SLC2A5: variants seen among roughly 807,000 people sequenced by gnomAD.
SLC2A5 encodes solute carrier family 2, facilitated glucose transporter member 5.
Under a neutral mutation model 50.3 loss-of-function variants are expected in SLC2A5, and 56 were observed. The observed-to-expected ratio is 1.11, with a 90% confidence interval of 0.90 to 1.39. The LOEUF (loss-of-function observed/expected upper bound fraction) is 1.39, where lower values mean the gene tolerates loss of function less well. Among genes scored for constraint, SLC2A5 ranks in the 40% most tolerant of loss-of-function variants. The probability of loss-of-function intolerance (pLI) is 0.00; values close to 1 mark genes in which losing one functional copy is unlikely to be tolerated. For missense variants in SLC2A5, 566 were observed against 650.1 expected, an observed-to-expected ratio of 0.87 and a Z score of 1.41; for synonymous variants, 269 against 281.9, an observed-to-expected ratio of 0.95 and a Z score of 0.46.
At position 9,037,733 on chromosome 1, in the gene SLC2A5, G is replaced by A. The variant is rs760626860; in HGVS notation, c.1359C>T (p.Thr453=). ...IVFAVICLLT[T]IYIFLIVPET... is the part of the protein sequence containing the mutation. ...CCGGGACAATCAAGAAGATGTAGATGGTGGTGAGGAGGCAGATCACGGCGA... is the reference window on the plus strand; with the variant it reads ...CCGGGACAATCAAGAAGATGTAGATAGTGGTGAGGAGGCAGATCACGGCGA... The change falls in exon 12 of 12, where the codon ACC becomes ACT. Residue 453 remains threonine (T), a synonymous_variant. Transcript: ENST00000377424. 1 of 1,614,212 alleles carries A rather than the reference G, an allele frequency of 6.2e-7. No homozygotes were observed. Among genetic ancestry groups the A allele is most frequent in the Non-Finnish European group, 8.5e-7 (1 of 1,180,040 alleles).
chr1:9,042,008 A>C, intron 4 of SLC2A5, 71 bp from the exon 5 acceptor site: 1 of 1,469,904 alleles, frequency 6.8e-7, no homozygotes, highest in Middle Eastern at 1.8e-4. Flanking sequence ...CTTCAAGTAT[A>C]CTATTCTTAG....
At chr1:9,078,889 AG>A (rs1205279788) in intron 2 of SLC2A5, among the ~76,000 whole-genome samples, 2 of 152,192 alleles carry the variant, frequency 1.3e-5, no homozygotes, top group Non-Finnish European at 2.9e-5. Context: ...TAGATAAGGA[AG>A]GAATCATTAA....
intron 4 of SLC2A5, among the ~76,000 whole-genome samples, chr1:9,042,145 C>T (rs911559679): frequency 2.0e-5 from 3 of 152,134 alleles, no homozygotes; most frequent in African/African-American, 7.2e-5. Context: ...GCACAGGGGC[C>T]CTTGCTTTGG....
chr1:9,088,097 T>C (rs1184604565), intron 1 of SLC2A5, among the ~76,000 whole-genome samples: 1 of 152,180 alleles, frequency 6.6e-6, no homozygotes, highest in East Asian at 1.9e-4. Flanking sequence ...AGATTCCCTG[T>C]ATTCAGGCTT....
chr1:9,052,101 T>C (rs6680525), intron 3 of SLC2A5, among the ~76,000 whole-genome samples: 81,962 of 151,920 alleles, frequency 0.54, 23,728 homozygotes, highest in East Asian at 0.74. Flanking sequence ...CTGGCCAACA[T>C]GGTGAAACCC....
upstream of SLC2A5, among the ~76,000 whole-genome samples, chr1:9,090,482 T>G (rs1642450945): frequency 6.6e-6 from 1 of 152,172 alleles, no homozygotes; most frequent in African/African-American, 2.4e-5. Flanking sequence ...CTTCCCACAA[T>G]AATCCTATTC....
At chr1:9,039,498 G>T (rs936873828) in intron 8 of SLC2A5, 54 bp downstream of exon 8, 4 of 1,341,340 alleles carry the variant, frequency 3.0e-6, no homozygotes, top group Middle Eastern at 1.9e-4. Context: ...AGGCTGGGGC[G>T]TGGGGCCCGA....
chr1:9,056,441 AC>A (rs1421292377), intron 3 of SLC2A5, among the ~76,000 whole-genome samples: 1 of 151,728 alleles, frequency 6.6e-6, no homozygotes, highest in Non-Finnish European at 1.5e-5. Flanking sequence ...CGCCTCTGCC[AC>A]CCAAAGTGTT....
intron 10 of SLC2A5, 43 bp downstream of exon 10, chr1:9,038,388 C>T: frequency 1.4e-6 from 2 of 1,440,088 alleles, no homozygotes; most frequent in South Asian, 1.1e-5. Context: ...CTTCTGGGAC[C>T]AGGGGGGGTT....
At chr1:9,087,273 T>C (rs985258015) in intron 1 of SLC2A5, among the ~76,000 whole-genome samples, 3 of 151,558 alleles carry the variant, frequency 2.0e-5, no homozygotes, top group Non-Finnish European at 4.4e-5. Context: ...GGTGCAATCT[T>C]GGCTCACTGC....
At chr1:9,038,629 CGAT>C (rs1199236707) in intron 9 of SLC2A5, 123 bp from the exon 10 acceptor site, 4 of 1,239,362 alleles carry the variant, frequency 3.2e-6, no homozygotes, top group South Asian at 2.8e-5. Context: ...AGTGCCACCT[CGAT>C]GAGCCACTGG....
At chr1:9,059,243 C>T (rs961509082) in intron 1 of SLC2A5, among the ~76,000 whole-genome samples, 4 of 145,948 alleles carry the variant, frequency 2.7e-5, no homozygotes, top group African/African-American at 5.1e-5. Context: ...CCTGGGTTCA[C>T]GCCATTCTCC....
chr1:9,079,298 G>A (rs1315914019), intron 2 of SLC2A5, among the ~76,000 whole-genome samples: 1 of 152,076 alleles, frequency 6.6e-6, no homozygotes, highest in Non-Finnish European at 1.5e-5. Context: ...AGGTGCCTAT[G>A]TGTTTTCTCA....
At position 9,040,344 on chromosome 1, in the gene SLC2A5, G is replaced by A; in HGVS notation, c.572-155C>T. ...CTAAGAACAGCAACTCCCGACGGTG[G>A]ACACTCGGGAAACACCTGCAGCAGG... On this transcript the variant is annotated intron_variant, in intron 5 of 11. Coordinates refer to ENST00000377424, the MANE Select transcript of SLC2A5 (RefSeq NM_003039.3). The surrounding 1 kb of genome is among the most constrained non-coding windows in gnomAD (Gnocchi z 4.3). 2.3e-6 allele frequency: 2 copies of A among 883,080 alleles called. No individual in the cohort carries two copies. 54.7% of individuals were successfully genotyped at this position (883,080 alleles called of 1,614,324 possible). A position where few individuals can be genotyped will look rare whatever the true frequency, so the allele number is the denominator to read the frequency against.
chr1:9,070,862 C>T (rs1045887560), upstream of SLC2A5, among the ~76,000 whole-genome samples: 5 of 150,812 alleles, frequency 3.3e-5, no homozygotes, highest in African/African-American at 7.3e-5. Context: ...GTTGGGGGGT[C>T]GGGGGGGTCC....
At chr1:9,076,684 G>A (rs1642287136) in intron 2 of SLC2A5, among the ~76,000 whole-genome samples, 1 of 152,122 alleles carries the variant, frequency 6.6e-6, no homozygotes, top group Admixed American at 6.6e-5. Flanking sequence ...ATCCATACAA[G>A]TAGAGAGTTT....
intron 1 of SLC2A5, among the ~76,000 whole-genome samples, chr1:9,060,839 A>G (rs558387461): frequency 4.0e-5 from 6 of 151,840 alleles, no homozygotes; most frequent in African/African-American, 1.2e-4. Flanking sequence ...TGGGCGCCCA[A>G]TGTGAACAAG....
At chr1:9,074,008 T>A (rs2124467654), upstream of SLC2A5, among the ~76,000 whole-genome samples, 1 of 151,768 alleles carries the variant, frequency 6.6e-6, no homozygotes, top group East Asian at 1.9e-4. Flanking sequence ...TGAACCCAGG[T>A]AGTGGAGGTT....
chr1:9,038,318 G>C (rs1641190549), intron 10 of SLC2A5, 113 bp downstream of exon 10: 1 of 810,982 alleles, frequency 1.2e-6, no homozygotes, highest in East Asian at 2.5e-5. Flanking sequence ...CGGGGGAAGA[G>C]ATGCCATTTC....
Sources: allele counts gnomAD v4.1 joint callset (sites outside exome capture counted in the v4.1 genomes callset), GRCh38; gene constraint gnomAD v4.1.1; non-coding constraint Gnocchi (gnomAD v3.1); transcripts MANE v1.5; gene names NCBI Gene and HGNC (gene_info 2026-07-23, HGNC 2026-07-21).